Variants in PKM observed in about 807,000 individuals in gnomAD.
PKM encodes the protein pyruvate kinase M1/2, also known as pyruvate kinase PKM.
Under a neutral mutation model 49.8 loss-of-function variants are expected in PKM, and 18 were observed. That is an observed-to-expected ratio of 0.36 (90% CI 0.25 to 0.54). The LOEUF is 0.54. PKM is among the 20% of genes least tolerant of loss of function. PKM has a pLI of 0.89. For missense variants in PKM, 508 were observed against 713.8 expected (o/e 0.71, Z 3.28); for synonymous variants, 239 against 261.8 (o/e 0.91, Z 0.84).
At chr15:72,218,838 T>C (rs1228456155) in intron 2 of PKM, 106 bp downstream of exon 2, 3 of 1,130,422 alleles carry the variant, frequency 2.7e-6, no homozygotes, top group Non-Finnish European at 4.0e-6. Context: ...CTGTGTAGTA[T>C]CCCATGTAGC....
At chr15:72,209,023 T>A in intron 5 of PKM, 132 bp from the exon 6 acceptor site, 1 of 948,738 alleles carries the variant, frequency 1.1e-6, no homozygotes, top group Non-Finnish European at 1.6e-6. Context: ...TTACCAGAGT[T>A]GAAAACCTAC....
rs965269614 is a variant in PKM, at chr15:72,199,137, C to A, written c.*513G>T. 6.3e-6 allele frequency: 2 copies of A among 317,066 alleles called. No homozygotes were observed. The highest frequency in any genetic ancestry group is 1.2e-5 in the Non-Finnish European group (2 of 161,782). The allele number at this position is 317,066 out of a possible 1,614,324, so 19.6% of individuals were successfully genotyped here. ...AAGGTGGAGGGTGGAGTGTTTGCTG[C>A]AGGACAGCTGAGTGGAGGGTGGGGA... On this transcript the variant is annotated 3_prime_UTR_variant, in exon 11 of 11. Coordinates refer to ENST00000335181, the MANE Select transcript of PKM (RefSeq NM_002654.6).
chr15:72,208,962 C>A, intron 5 of PKM, 71 bp from the exon 6 acceptor site: 1 of 1,510,204 alleles, frequency 6.6e-7, no homozygotes, highest in East Asian at 2.4e-5. Flanking sequence ...GGCACCTTTC[C>A]CGCAAGGACA....
At chr15:72,215,887 C>G (rs1222891027) in intron 3 of PKM, among the ~76,000 whole-genome samples, 1 of 152,148 alleles carries the variant, frequency 6.6e-6, no homozygotes. Flanking sequence ...TTCTCGGTGA[C>G]TCCTGCTAAG....
chr15:72,208,574 C>G (rs1167409683), intron 6 of PKM, 47 bp downstream of exon 6: 3 of 1,608,486 alleles, frequency 1.9e-6, no homozygotes, highest in Non-Finnish European at 1.7e-6. Flanking sequence ...GGACCATGCC[C>G]TTCGGAGAGC....
intron 5 of PKM, 106 bp from the exon 6 acceptor site, chr15:72,208,997 G>A: frequency 8.2e-7 from 1 of 1,225,752 alleles, no homozygotes; most frequent in South Asian, 1.3e-5. Flanking sequence ...GGTGCATTAT[G>A]GGTGCTGGAG....
At chr15:72,209,413 A>G (rs2082175991) in intron 5 of PKM, 1 of 24,940 alleles carries the variant, frequency 4.0e-5, no homozygotes, top group African/African-American at 1.0e-4. Context: ...ATATATATAT[A>G]TATATATATA....
At chr15:72,209,896 G>C (rs781509998) in intron 4 of PKM, 37 bp from the exon 5 acceptor site, 1 of 1,538,708 alleles carries the variant, frequency 6.5e-7, no homozygotes, top group East Asian at 2.2e-5. Flanking sequence ...CCAAACTGGA[G>C]ACACCAGTAG....
chr15:72,226,135 T>C (rs2082662175), intron 1 of PKM, among the ~76,000 whole-genome samples: 1 of 152,254 alleles, frequency 6.6e-6, no homozygotes, highest in South Asian at 2.1e-4. Flanking sequence ...TCCTCTGAAA[T>C]GGCATGGTGG....
chr15:72,230,819 T>G (rs910355423), intron 1 of PKM: 6 of 646,750 alleles, frequency 9.3e-6, no homozygotes, highest in South Asian at 1.6e-5. Flanking sequence ...TGGAGGCGCA[T>G]TGAGGATTGG....
In PKM at chr15:72,217,416, G is replaced by A. The variant is rs754087147; in HGVS notation, c.239C>T (p.Thr80Ile). Residue 80 changes from threonine to isoleucine, a missense_variant, in exon 3 of 11, where the codon ACT (threonine) becomes ATT (isoleucine). By Grantham distance (89) the Thr-to-Ile change is moderately conservative (BLOSUM62 -1). Coordinates refer to ENST00000335181, the MANE Select transcript of PKM (RefSeq NM_002654.6). The part of the protein sequence containing the change: ...NVARLNFSHG[T>I]HEYHAETIKN... Reference sequence around the variant, plus strand: ...GGTCCAGCCACAGCTCACCTCATGAGTTCCATGAGAGAAGTTCAGACGAGC... The same window carrying A: ...GGTCCAGCCACAGCTCACCTCATGAATTCCATGAGAGAAGTTCAGACGAGC... 1 of 1,591,208 alleles carries A rather than the reference G, an allele frequency of 6.3e-7. No homozygotes were observed. Among genetic ancestry groups the A allele is most frequent in the Non-Finnish European group, 8.6e-7 (1 of 1,159,178 alleles).
intron 3 of PKM, among the ~76,000 whole-genome samples, chr15:72,213,813 A>G (rs915615538): frequency 1.3e-5 from 2 of 152,224 alleles, no homozygotes; most frequent in Non-Finnish European, 2.9e-5. Context: ...GAAAATAGCC[A>G]GAGTCATCTC....
rs749459477 is a variant in PKM, at chr15:72,219,122, C to A, written c.-13-12G>T. 9 of 1,608,784 alleles carry A rather than the reference C, an allele frequency of 5.6e-6. No individual in the cohort carries two copies. In the South Asian group the frequency reaches 8.8e-5, roughly 16 times the overall value. Reference sequence around the variant, plus strand: ...TGGCTGCTGAGGTCCTGGGTCGAGACAAATTGAAAGAGAGTGGTAAGACTG... The same window carrying A: ...TGGCTGCTGAGGTCCTGGGTCGAGAAAAATTGAAAGAGAGTGGTAAGACTG... On this transcript the variant is annotated splice_polypyrimidine_tract_variant and intron_variant, in intron 1 of 10. Transcript: ENST00000335181.
At chr15:72,205,434 A>G (rs2082047331) in intron 8 of PKM, among the ~76,000 whole-genome samples, 1 of 152,208 alleles carries the variant, frequency 6.6e-6, no homozygotes, top group Non-Finnish European at 1.5e-5. Context: ...CAATTTAAAT[A>G]TGGGGAAACC....
At chr15:72,214,132 A>G (rs1489578231) in intron 3 of PKM, among the ~76,000 whole-genome samples, 2 of 152,182 alleles carry the variant, frequency 1.3e-5, no homozygotes, top group African/African-American at 4.8e-5. Context: ...TGCTTTCTAA[A>G]GTAAGCACAC....
At chr15:72,224,928 T>C (rs1292417999) in intron 1 of PKM, among the ~76,000 whole-genome samples, 5 of 143,812 alleles carry the variant, frequency 3.5e-5, no homozygotes, top group South Asian at 2.2e-4. Context: ...TTTTCTTTTT[T>C]TTTTTTTTTT....
At position 72,205,961 on chromosome 15, in the gene PKM, G is replaced by C. The variant is rs181542519; in HGVS notation, c.1140+767C>G. 5.5e-4 allele frequency among the ~76,000 whole-genome samples: 83 copies of C among 152,248 alleles called. 1 individual carries two copies. Among genetic ancestry groups the C allele is most frequent in the Admixed American group, 5.4e-3 (83 of 15,300 alleles). On this transcript the variant is annotated intron_variant, in intron 8 of 10. Transcript: ENST00000335181. ...GCCAGGCACTCGACATGACAAGCTG[G>C]AAGAGCCTGAAGAACGAGCTCTCAG... is the stretch of plus-strand genomic sequence containing the variant.
At chr15:72,230,121 C>T (rs899022646) in intron 1 of PKM, among the ~76,000 whole-genome samples, 1 of 152,134 alleles carries the variant, frequency 6.6e-6, no homozygotes, top group African/African-American at 2.4e-5. Context: ...AGCGTGGTCC[C>T]TGGCGGCCAC....
At chr15:72,201,024 G>C (rs1029841444) in intron 9 of PKM, 6 of 207,384 alleles carry the variant, frequency 2.9e-5, no homozygotes, top group Non-Finnish European at 5.9e-5. Flanking sequence ...CATTCCTCTC[G>C]CTGCCAATGA....
Sources: allele counts gnomAD v4.1 joint callset (sites outside exome capture counted in the v4.1 genomes callset), GRCh38; gene constraint gnomAD v4.1.1; transcripts MANE v1.5; gene names NCBI Gene and HGNC (gene_info 2026-07-23, HGNC 2026-07-21).